The following LPCAT4 variants were observed in gnomAD, a reference collection of about 807,000 sequenced individuals.
LPCAT4 encodes lysophosphatidylcholine acyltransferase 4, also known as lysophospholipid acyltransferase LPCAT4.
Under a neutral mutation model 66.5 loss-of-function variants are expected in LPCAT4, and 30 were observed. That is an observed-to-expected ratio of 0.45 (90% CI 0.34 to 0.61). The LOEUF (loss-of-function observed/expected upper bound fraction) is 0.61. Ranked by LOEUF, LPCAT4 falls within the 20% of genes least tolerant of loss-of-function variation. The pLI is 0.01. For missense variants in LPCAT4, 557 were observed against 656.7 expected (o/e 0.85, Z 1.66); for synonymous variants, 253 against 262.1 (o/e 0.97, Z 0.34).
At chr15:34,362,501 C>A (rs1268239807) in intron 9 of LPCAT4, 72 bp downstream of exon 9, 6 of 1,461,042 alleles carry the variant, frequency 4.1e-6, no homozygotes, top group Non-Finnish European at 5.6e-6. Flanking sequence ...CTGAAAACCT[C>A]GCCCCCTCCA....
chr15:34,360,009 C>T (rs1566893126), intron 12 of LPCAT4, 102 bp downstream of exon 12: 7 of 1,010,288 alleles, frequency 6.9e-6, no homozygotes, highest in Non-Finnish European at 7.5e-6. Flanking sequence ...TACCAAATGC[C>T]TAGTATCTAG....
Position 34,359,232 on chromosome 15 carries a change from TG to T in LPCAT4, c.1469del (p.Pro490HisfsTer77). On this transcript the variant is annotated frameshift_variant, in exon 14 of 14. Coordinates refer to ENST00000314891, the MANE Select transcript of LPCAT4 (RefSeq NM_153613.3). LOFTEE classifies it high-confidence loss of function. ...GKLFSTYLRP[P>X]HTSRGTSQTP... ...TCTGGGAGGTGCCTCGAGAGGTGTGTGGGGGGCGCAGGTAGGTGCTGAAGAG... is the reference window on the plus strand; with the variant it reads ...TCTGGGAGGTGCCTCGAGAGGTGTGTGGGGGCGCAGGTAGGTGCTGAAGAG... 6.3e-7 allele frequency: 1 copy of T among 1,579,646 alleles called. No homozygotes were observed. The highest frequency in any genetic ancestry group is 1.2e-5 in the South Asian group (1 of 86,534).
chr15:34,358,864 C>CCCTTT lies in LPCAT4; in HGVS notation c.*262_*263insAAAGG, dbSNP rs1488224068. ...TGATTTTCCAACGGGCGTCCTACAACCATTCATCCCTTTCCTTCCCAAGTA... is the reference window on the plus strand; with the variant it reads ...TGATTTTCCAACGGGCGTCCTACAACCCTTTCATTCATCCCTTTCCTTCCCAAGTA... On this transcript the variant is annotated 3_prime_UTR_variant, in exon 14 of 14. Coordinates refer to ENST00000314891, the MANE Select transcript of LPCAT4 (RefSeq NM_153613.3). 5.9e-6 allele frequency: 1 copy of CCCTTT among 168,692 alleles called. No homozygotes were observed. The highest frequency in any genetic ancestry group is 2.4e-5 in the African/African-American group (1 of 41,922). The allele number at this position is 168,692 out of a possible 1,614,324, so 10.4% of individuals were successfully genotyped here.
chr15:34,361,645 T>C, intron 10 of LPCAT4, 113 bp from the exon 11 acceptor site: 1 of 1,286,762 alleles, frequency 7.8e-7, no homozygotes, highest in Non-Finnish European at 1.1e-6. Flanking sequence ...TTAGCTGCTG[T>C]TTTTCTAAGA....
At position 34,360,108 on chromosome 15, in the gene LPCAT4, T is replaced by C. The variant is rs752746327; in HGVS notation, c.1242+3A>G. The C allele has an allele frequency of 3.0e-6, 4 of 1,314,250 alleles. No homozygotes were observed. Among genetic ancestry groups the C allele is most frequent in the South Asian group, 1.2e-5 (1 of 84,532 alleles). 81.4% of individuals were successfully genotyped at this position (1,314,250 alleles called of 1,614,324 possible). ...ACCCCCCACCACCGCCACCCCCCAT[T>C]ACCTCAAAGGCCAGACGAGTTAGCT... On this transcript the variant is annotated splice_donor_region_variant and intron_variant, in intron 12 of 13. Coordinates refer to ENST00000314891, the MANE Select transcript of LPCAT4 (RefSeq NM_153613.3).
At position 34,366,659 on chromosome 15, in the gene LPCAT4, A is replaced by G. The variant is rs540848903; in HGVS notation, c.114+328T>C. ...CCGGCTTCCCGTAGACTCTAACTCC[A>G]TCCTAGCCATCAGGCTCTGCAGAAT... On this transcript the variant is annotated intron_variant, in intron 1 of 13. Transcript: ENST00000314891. 4.5e-4 allele frequency among the ~76,000 whole-genome samples: 39 copies of G among 85,718 alleles called. No individual in the cohort carries two copies. The South Asian group carries it at 0.016, about 35-fold the overall frequency. 56.2% of individuals were successfully genotyped at this position (85,718 alleles called of 152,430 possible).
chr15:34,365,698 A>G lies in LPCAT4; in HGVS notation c.118T>C (p.Cys40Arg). The G allele has an allele frequency of 1.2e-6, 2 of 1,613,682 alleles. No individual in the cohort carries two copies. The highest frequency in any genetic ancestry group is 1.7e-6 in the Non-Finnish European group (2 of 1,179,928). Residue 40 changes from cysteine (C) to arginine (R), a missense_variant, in exon 2 of 14, where the codon TGC (cysteine) becomes CGC (arginine). By Grantham distance (180) the Cys-to-Arg change is radical. Around this residue, in one of 4 missense-constraint regions of LPCAT4, gnomAD observed 94 missense variants for 71.5 expected, o/e 1.32. Transcript: ENST00000314891. ...HLSRLQRVKFCLLGALLAPIR... is the reference protein window; with the variant it reads ...HLSRLQRVKFRLLGALLAPIR... Reference sequence around the variant, plus strand: ...GGGGCCAGCAATGCCCCCAGGAGGCAGAACTGCAAAGGGTGGGAGAGAATG... The same window carrying G: ...GGGGCCAGCAATGCCCCCAGGAGGCGGAACTGCAAAGGGTGGGAGAGAATG...
chr15:34,362,505 C>G, intron 9 of LPCAT4, 68 bp downstream of exon 9: 1 of 1,470,910 alleles, frequency 6.8e-7, no homozygotes, highest in Non-Finnish European at 9.2e-7. Context: ...AAACCTCGCC[C>G]CCTCCACGCC....
In LPCAT4 at chr15:34,363,377, T is replaced by G. The variant is rs761376265; in HGVS notation, c.746+45A>C. The G allele has an allele frequency of 1.6e-5, 26 of 1,593,342 alleles. No homozygotes were observed. Among genetic ancestry groups the G allele is most frequent in the Non-Finnish European group, 2.2e-5 (26 of 1,169,072 alleles). On this transcript the variant is annotated intron_variant, in intron 7 of 13. Coordinates refer to ENST00000314891, the MANE Select transcript of LPCAT4 (RefSeq NM_153613.3). This position sits in a 1 kb window ranked among gnomAD's most constrained non-coding sequence, Gnocchi z 4.3. Reference sequence around the variant, plus strand: ...GGAAGATGGGCCAGGAATTCTCTGATGGACCCTGCTCCCCACCCTCACCCC... The same window carrying G: ...GGAAGATGGGCCAGGAATTCTCTGAGGGACCCTGCTCCCCACCCTCACCCC...
At position 34,367,161 on chromosome 15, in the gene LPCAT4, C is replaced by T. The variant is rs559220967; in HGVS notation, c.-61G>A. 8.1e-6 allele frequency: 11 copies of T among 1,350,878 alleles called. No individual in the cohort carries two copies. The highest frequency in any genetic ancestry group is 1.7e-5 in the South Asian group (1 of 58,482). The allele number at this position is 1,350,878 out of a possible 1,614,324, so 83.7% of individuals were successfully genotyped here. A position where few individuals can be genotyped will look rare whatever the true frequency, so the allele number is the denominator to read the frequency against. On this transcript the variant is annotated 5_prime_UTR_variant, in exon 1 of 14. Coordinates refer to ENST00000314891, the MANE Select transcript of LPCAT4 (RefSeq NM_153613.3). ...TGGCCCCGGCCACCACTCTGCAGAG[C>T]AGCTGCTGCTGCAGCAGCGGCGGCG...
chr15:34,363,003 G>A lies in LPCAT4; in HGVS notation c.747-167C>T, dbSNP rs1430176064. ...ATACAGTCAGGTGGGTGAATATGCA[G>A]TTGGGAGACACAAGGAACGGCCAGA... On this transcript the variant is annotated intron_variant, in intron 7 of 13. Coordinates refer to ENST00000314891, the MANE Select transcript of LPCAT4 (RefSeq NM_153613.3). The surrounding 1 kb of genome is among the most constrained non-coding windows in gnomAD (Gnocchi z 4.3). The A allele has an allele frequency of 1.5e-6, 1 of 689,238 alleles. No individual in the cohort carries two copies. The highest frequency in any genetic ancestry group is 2.6e-6 in the Non-Finnish European group (1 of 391,872). 42.7% of individuals were successfully genotyped at this position (689,238 alleles called of 1,614,324 possible).
intron 2 of LPCAT4, 88 bp downstream of exon 2, chr15:34,365,470 GA>G (rs1387135647): frequency 3.2e-6 from 5 of 1,558,602 alleles, no homozygotes; most frequent in Non-Finnish European, 4.4e-6. Flanking sequence ...AATAGTTTCA[GA>G]ATGCTCTCTT....
chr15:34,366,819 C>T, intron 1 of LPCAT4, 168 bp downstream of exon 1: 1 of 932,824 alleles, frequency 1.1e-6, no homozygotes, highest in South Asian at 1.5e-5. Context: ...CTCCAGGACT[C>T]CTTGCCCAAC....
chr15:34,366,858 G>T (rs546425070), intron 1 of LPCAT4, 129 bp downstream of exon 1: 2 of 1,426,706 alleles, frequency 1.4e-6, no homozygotes, highest in Admixed American at 4.1e-5. Flanking sequence ...CGCACCCCCG[G>T]ACTCCCGCTC....
At position 34,361,519 on chromosome 15, in the gene LPCAT4, AG is replaced by A; in HGVS notation, c.1023del (p.Tyr342MetfsTer13). The A allele has an allele frequency of 6.2e-7, 1 of 1,613,860 alleles. No individual in the cohort carries two copies. Among genetic ancestry groups the A allele is most frequent in the Non-Finnish European group, 8.5e-7 (1 of 1,180,024 alleles). The part of the protein sequence containing the change: ...KVLRKAGLSA[G>X]YVDAGAEPGR... Reference sequence around the variant, plus strand: ...CCTGGCTCTGCCCCAGCGTCCACATAGCCAGCGGACAGCCTACGATGGAATT... The same window carrying A: ...CCTGGCTCTGCCCCAGCGTCCACATACCAGCGGACAGCCTACGATGGAATT... On this transcript the variant is annotated frameshift_variant, in exon 11 of 14. Transcript: ENST00000314891. LOFTEE classifies it high-confidence loss of function.
chr15:34,362,212 C>T lies in LPCAT4; in HGVS notation c.994G>A (p.Val332Met). The change falls in exon 10 of 14, where the codon GTG becomes ATG. Residue 332 changes from valine to methionine, a missense_variant. Coordinates refer to ENST00000314891, the MANE Select transcript of LPCAT4 (RefSeq NM_153613.3). The part of the protein sequence containing the change: ...LEPQLWELGK[V>M]LRKAGLSAGY... ...ACCACTTACCCAGCCTTCCGAAGCA[C>T]TTTTCCCAGTTCCCAGAGCTGTGGT... 1 of 1,613,992 alleles carries T rather than the reference C, an allele frequency of 6.2e-7. No homozygotes were observed. Among genetic ancestry groups the T allele is most frequent in the East Asian group, 2.2e-5 (1 of 44,870 alleles).
Position 34,363,760 on chromosome 15 carries a change from T to C in LPCAT4, c.653-41A>G. The C allele has an allele frequency of 6.2e-7, 1 of 1,611,374 alleles. No homozygotes were observed. Among genetic ancestry groups the C allele is most frequent in the Non-Finnish European group, 8.5e-7 (1 of 1,177,540 alleles). Reference sequence around the variant, plus strand: ...ACCCCCACCCCCACAAGGCAGAGGTTAGTACACAGAAGTAGCTAGAGGGCA... The same window carrying C: ...ACCCCCACCCCCACAAGGCAGAGGTCAGTACACAGAAGTAGCTAGAGGGCA... On this transcript the variant is annotated intron_variant, in intron 5 of 13. Coordinates refer to ENST00000314891, the MANE Select transcript of LPCAT4 (RefSeq NM_153613.3). This position sits in a 1 kb window ranked among gnomAD's most constrained non-coding sequence, Gnocchi z 4.3.
At chr15:34,360,010 T>C in intron 12 of LPCAT4, 101 bp downstream of exon 12, 1 of 1,005,446 alleles carries the variant, frequency 9.9e-7, no homozygotes, top group Non-Finnish European at 1.5e-6. Context: ...ACCAAATGCC[T>C]AGTATCTAGA....
Position 34,359,198 on chromosome 15 carries a change from C to T in LPCAT4, c.1504G>A (p.Ala502Thr), listed in dbSNP as rs1383998365. The change falls in exon 14 of 14, where the codon GCC becomes ACC. Residue 502 changes from alanine to threonine, a missense_variant. This residue lies in a region of LPCAT4 where 392 missense variants were observed against 473.9 expected (regional missense o/e 0.83). Transcript: ENST00000314891. ...GCAGTGGGGTTGCCTGGGGATGAGG[C>T]ATTTGGTGTCTGGGAGGTGCCTCGA... ...TSRGTSQTPNASSPGNPTALA... is the reference protein window; with the variant it reads ...TSRGTSQTPNTSSPGNPTALA... 7 of 1,603,590 alleles carry T rather than the reference C, an allele frequency of 4.4e-6. No homozygotes were observed. Among genetic ancestry groups the T allele is most frequent in the African/African-American group, 1.3e-5 (1 of 74,646 alleles).
Sources: gnomAD v4.1 joint callset for allele counts (sites outside exome capture counted in the v4.1 genomes callset) on GRCh38, gnomAD v4.1.1 for gene constraint, gnomAD v4.1.1 regional missense constraint, Gnocchi (gnomAD v3.1) non-coding constraint, MANE v1.5 for transcripts, NCBI Gene and HGNC (gene_info 2026-07-23, HGNC 2026-07-21) for gene names.